Variants in BLTP1 observed in about 807,000 individuals in gnomAD.
The protein encoded by BLTP1 is bridge-like lipid transfer protein family member 1, also known as fragile site-associated protein.
At chr4:122,290,203 G>A in the BLTP1 span, among the ~76,000 whole-genome samples, 1 of 152,172 alleles carries the variant, frequency 6.6e-6, no homozygotes, top group Non-Finnish European at 1.5e-5. Flanking sequence ...AAGCCCTGCA[G>A]AGCTGTAGAA....
chr4:122,167,374 A>G, the BLTP1 span, among the ~76,000 whole-genome samples: 5 of 152,098 alleles, frequency 3.3e-5, no homozygotes, highest in Non-Finnish European at 7.4e-5. Context: ...TTCTGCCGCA[A>G]CATACTTTTC....
the BLTP1 span, among the ~76,000 whole-genome samples, chr4:122,278,678 C>T: frequency 3.9e-5 from 6 of 152,204 alleles, no homozygotes; most frequent in East Asian, 1.9e-4. Context: ...GCTCCCCATG[C>T]GGGAGTGCAG....
At chr4:122,240,414 A>C in the BLTP1 span, 3 of 1,414,436 alleles carry the variant, frequency 2.1e-6, no homozygotes, top group Non-Finnish European at 2.9e-6. Context: ...ATTTTTAAGA[A>C]GTTATTTTCA....
chr4:122,168,591 A>G, the BLTP1 span, among the ~76,000 whole-genome samples: 1 of 152,182 alleles, frequency 6.6e-6, no homozygotes, highest in Admixed American at 6.5e-5. Flanking sequence ...AAGTTAAAAA[A>G]AAAACTTAAG....
chr4:122,191,319 A>G, the BLTP1 span, among the ~76,000 whole-genome samples: 1 of 151,912 alleles, frequency 6.6e-6, no homozygotes, highest in South Asian at 2.1e-4. Context: ...GTAATTAGAG[A>G]CAAACTATAA....
the BLTP1 span, among the ~76,000 whole-genome samples, chr4:122,319,399 A>G: frequency 1.1e-4 from 17 of 151,782 alleles, no homozygotes; most frequent in African/African-American, 3.9e-4. Context: ...ACTAATTTTG[A>G]TAAGTGTGTT....
chr4:122,224,928 ACTTT>A, the BLTP1 span: 1 of 1,275,524 alleles, frequency 7.8e-7, no homozygotes, highest in Non-Finnish European at 9.9e-7. Context: ...AGAATTTGAG[ACTTT>A]CTTTGGGAAA....
At chr4:122,298,558 T>C in the BLTP1 span, 2 of 495,286 alleles carry the variant, frequency 4.0e-6, no homozygotes, top group South Asian at 1.8e-4. Flanking sequence ...ATTCCATAGT[T>C]ACTTATTCAG....
chr4:122,190,005 C>T, the BLTP1 span: 4 of 1,611,968 alleles, frequency 2.5e-6, no homozygotes, highest in South Asian at 1.1e-5. Context: ...TATAGACCAC[C>T]GAGATTAATG....
At chr4:122,182,676 T>C in the BLTP1 span, 1 of 985,424 alleles carries the variant, frequency 1.0e-6, no homozygotes, top group Non-Finnish European at 1.2e-6. Flanking sequence ...CATGACCCTG[T>C]TGGGACCATA....
chr4:122,285,815 A>G, the BLTP1 span, among the ~76,000 whole-genome samples: 4 of 152,214 alleles, frequency 2.6e-5, no homozygotes, highest in African/African-American at 9.6e-5. Flanking sequence ...GTAAAGGGCA[A>G]TAACAGATCT....
the BLTP1 span, chr4:122,316,301 C>T: frequency 2.4e-6 from 1 of 424,288 alleles, no homozygotes; most frequent in African/African-American, 2.1e-5. Flanking sequence ...TAGTTTTGTT[C>T]TTGGGAAGAA....
the BLTP1 span, chr4:122,214,372 C>T: frequency 8.5e-6 from 8 of 944,528 alleles, no homozygotes; most frequent in Non-Finnish European, 1.0e-5. Flanking sequence ...GACAAAAGAA[C>T]ACATTTTCTC....
At chr4:122,172,135 C>A in the BLTP1 span, 1 of 281,466 alleles carries the variant, frequency 3.6e-6, no homozygotes, top group Non-Finnish European at 5.4e-6. Context: ...AAAGCTATTA[C>A]CATCAATCTA....
the BLTP1 span, among the ~76,000 whole-genome samples, chr4:122,272,993 C>T: frequency 6.6e-6 from 1 of 151,960 alleles, no homozygotes; most frequent in Admixed American, 6.6e-5. Context: ...AACTGCATCC[C>T]ACTTTCAGAG....
At chr4:122,236,131 G>A in the BLTP1 span, among the ~76,000 whole-genome samples, 3 of 152,180 alleles carry the variant, frequency 2.0e-5, no homozygotes, top group Non-Finnish European at 4.4e-5. Context: ...CAAAAAGATA[G>A]GAAAGGGGTA....
the BLTP1 span, among the ~76,000 whole-genome samples, chr4:122,285,827 GA>G: frequency 6.6e-6 from 1 of 152,134 alleles, no homozygotes; most frequent in African/African-American, 2.4e-5. Flanking sequence ...AACAGATCTT[GA>G]TTTTAATAAG....
the BLTP1 span, chr4:122,356,884 T>C: frequency 1.4e-6 from 2 of 1,446,648 alleles, no homozygotes; most frequent in Non-Finnish European, 1.8e-6. Flanking sequence ...TATCAGTAAA[T>C]AGCGTTAGTA....
At chr4:122,298,674 T>G in the BLTP1 span, 2 of 20,704 alleles carry the variant, frequency 9.7e-5, no homozygotes, top group Non-Finnish European at 1.6e-4. Flanking sequence ...TTTAAACATA[T>G]AATAATAAAA....
Sources: gnomAD v4.1 joint callset for allele counts (sites outside exome capture counted in the v4.1 genomes callset) on GRCh38, gnomAD v4.1.1 for gene constraint, MANE v1.5 for transcripts, NCBI Gene and HGNC (gene_info 2026-07-23, HGNC 2026-07-21) for gene names.